CENPP: variants seen among roughly 807,000 people sequenced by gnomAD.
The protein encoded by CENPP is centromere protein P.
Under a neutral mutation model 35.6 loss-of-function variants are expected in CENPP, and 24 were observed. The ratio of observed to expected loss-of-function variants is 0.67; its 90% CI spans 0.49 to 0.95. The LOEUF (loss-of-function observed/expected upper bound fraction) is 0.95, where lower values mean the gene tolerates loss of function less well. CENPP is among the 40% of genes least tolerant of loss of function. CENPP has a pLI of 0.00. For synonymous variants in CENPP, 120 were observed against 125.5 expected (o/e 0.96, Z 0.29); for missense variants, 332 against 345.3 (o/e 0.96, Z 0.31).
At chr9:92,336,868 T>C (rs1004052329) in intron 2 of CENPP, among the ~76,000 whole-genome samples, 69 of 152,184 alleles carry the variant, frequency 4.5e-4, no homozygotes, top group South Asian at 4.1e-4. Context: ...TTAGTGAAGT[T>C]TTGAGAGATG....
chr9:92,344,532 ATTTATT>A (rs1332597279), intron 3 of CENPP, among the ~76,000 whole-genome samples: 2 of 151,872 alleles, frequency 1.3e-5, no homozygotes, highest in East Asian at 2.0e-4. Context: ...CAAGTTTATT[ATTTATT>A]TTTATTATTA....
chr9:92,479,573 GGA>G (rs1845840349), intron 5 of CENPP, among the ~76,000 whole-genome samples: 1 of 152,122 alleles, frequency 6.6e-6, no homozygotes, highest in Non-Finnish European at 1.5e-5. Flanking sequence ...ATAGCTCCAG[GGA>G]GAGGATACTA....
At chr9:92,573,101 G>A (rs7041106) in intron 5 of CENPP, among the ~76,000 whole-genome samples, 9 of 152,088 alleles carry the variant, frequency 5.9e-5, no homozygotes, top group African/African-American at 1.9e-4. Flanking sequence ...CTCTCAACTC[G>A]TCAAAGTCAT....
At chr9:92,602,025 A>T (rs1850933509) in intron 5 of CENPP, among the ~76,000 whole-genome samples, 4 of 152,172 alleles carry the variant, frequency 2.6e-5, no homozygotes, top group Non-Finnish European at 5.9e-5. Context: ...TTGATTCTAG[A>T]GCTGGGCAGG....
rs916661501 is a variant in CENPP, at chr9:92,493,852, C to A, written c.564+113993C>A. On this transcript the variant is annotated intron_variant, in intron 5 of 7. Coordinates refer to ENST00000375587, the MANE Select transcript of CENPP (RefSeq NM_001012267.3). ...CAGTCATTCTGATTTTCATTTTTTT[C>A]TTGGGATTCTGCAGCCAGAGCAGAG... 6.4e-5 allele frequency: 20 copies of A among 311,976 alleles called. No homozygotes were observed. The East Asian group carries it at 9.9e-4, about 15-fold the overall frequency. 19.3% of individuals were successfully genotyped at this position (311,976 alleles called of 1,614,324 possible).
chr9:92,346,466 G>A (rs1841297423), intron 4 of CENPP, among the ~76,000 whole-genome samples: 3 of 152,318 alleles, frequency 2.0e-5, no homozygotes, highest in African/African-American at 7.2e-5. Flanking sequence ...AGTGACAGGT[G>A]GAGGCAAGAG....
At chr9:92,570,378 A>C (rs918003978) in intron 5 of CENPP, among the ~76,000 whole-genome samples, 3 of 152,126 alleles carry the variant, frequency 2.0e-5, no homozygotes, top group Admixed American at 1.3e-4. Context: ...GCTGGATTAC[A>C]TTTATTGATT....
chr9:92,420,889 G>A (rs930427163), intron 5 of CENPP, among the ~76,000 whole-genome samples: 3 of 151,980 alleles, frequency 2.0e-5, no homozygotes, highest in African/African-American at 7.2e-5. Context: ...TTGAAGGAGT[G>A]TTGAGGTTCT....
At chr9:92,508,626 C>T (rs887233211) in intron 5 of CENPP, among the ~76,000 whole-genome samples, 7 of 152,146 alleles carry the variant, frequency 4.6e-5, no homozygotes, top group African/African-American at 1.7e-4. Context: ...AATGTCTTTC[C>T]CATTTGGCAG....
rs935966242 is a variant in CENPP at position 92,581,821 on chromosome 9, A to G, written c.565-29493A>G. Among the ~76,000 whole-genome samples, 3 of 152,210 alleles carry G rather than the reference A, an allele frequency of 2.0e-5. No homozygotes were observed. The East Asian group carries it at 5.8e-4, about 29-fold the overall frequency. On this transcript the variant is annotated intron_variant, in intron 5 of 7. Coordinates refer to ENST00000375587, the MANE Select transcript of CENPP (RefSeq NM_001012267.3). ...AACATAATCATAATGATGTCATATG[A>G]GAGGCTTTTTAAGCTAGCATTCAAA...
intron 5 of CENPP, among the ~76,000 whole-genome samples, chr9:92,457,808 A>G (rs1331644663): frequency 6.6e-6 from 1 of 152,212 alleles, no homozygotes; most frequent in Admixed American, 6.5e-5. Context: ...ATACATATAT[A>G]CATAAATACA....
chr9:92,485,259 T>G (rs1338302874), intron 5 of CENPP, among the ~76,000 whole-genome samples: 2 of 152,218 alleles, frequency 1.3e-5, no homozygotes, highest in African/African-American at 4.8e-5. Flanking sequence ...AGGGGTCCTA[T>G]GGAGGGGACC....
At chr9:92,570,774 A>C (rs899328406) in intron 5 of CENPP, among the ~76,000 whole-genome samples, 17 of 151,992 alleles carry the variant, frequency 1.1e-4, no homozygotes, top group Non-Finnish European at 2.1e-4. Context: ...TTGGTCTATT[A>C]AGAGATTCAA....
intron 5 of CENPP, among the ~76,000 whole-genome samples, chr9:92,552,835 C>G (rs1849644991): frequency 1.3e-5 from 2 of 152,074 alleles, no homozygotes; most frequent in African/African-American, 4.8e-5. Context: ...TGCAAAAGCT[C>G]TTTAATTAGG....
chr9:92,501,035 A>G, intron 5 of CENPP: 1 of 1,612,806 alleles, frequency 6.2e-7, no homozygotes, highest in Non-Finnish European at 8.5e-7. Flanking sequence ...TGTAGGAGAG[A>G]TCAATGGATT....
chr9:92,434,989 T>C (rs1424563384), intron 5 of CENPP, among the ~76,000 whole-genome samples: 1 of 152,094 alleles, frequency 6.6e-6, no homozygotes, highest in African/African-American at 2.4e-5. Flanking sequence ...GAGGTGGAGA[T>C]TGCAGTGAGC....
chr9:92,404,946 G>A (rs954886810), intron 5 of CENPP, among the ~76,000 whole-genome samples: 2 of 152,036 alleles, frequency 1.3e-5, no homozygotes, highest in African/African-American at 4.8e-5. Context: ...CATAGTCCAT[G>A]TTGTTAATTT....
At chr9:92,348,800 G>A (rs1411374569) in intron 4 of CENPP, among the ~76,000 whole-genome samples, 1 of 152,094 alleles carries the variant, frequency 6.6e-6, no homozygotes, top group Admixed American at 6.6e-5. Context: ...ATTTTTGCTG[G>A]CCATAGAATT....
At chr9:92,525,534 A>G (rs1010220041) in intron 5 of CENPP, among the ~76,000 whole-genome samples, 1 of 152,204 alleles carries the variant, frequency 6.6e-6, no homozygotes, top group South Asian at 2.1e-4. Context: ...AGCATAACGC[A>G]TTACTCATAA....
Sources: gnomAD v4.1 joint callset for allele counts (sites outside exome capture counted in the v4.1 genomes callset) on GRCh38, gnomAD v4.1.1 for gene constraint, MANE v1.5 for transcripts, NCBI Gene and HGNC (gene_info 2026-07-23, HGNC 2026-07-21) for gene names.